BRD10: variants seen among roughly 807,000 people sequenced by gnomAD.
BRD10 encodes bromodomain containing 10, also known as uncharacterized bromodomain-containing protein 10.
the BRD10 span, among the ~76,000 whole-genome samples, chr9:5,932,152 T>C: frequency 6.6e-6 from 1 of 152,248 alleles, no homozygotes; most frequent in South Asian, 2.1e-4. Flanking sequence ...AATATAAAAA[T>C]CTACATAAAA....
the BRD10 span, among the ~76,000 whole-genome samples, chr9:5,915,480 G>A: frequency 5.9e-5 from 9 of 152,148 alleles, no homozygotes; most frequent in Admixed American, 1.3e-4. Flanking sequence ...ATATACTTTC[G>A]AATATTCTTC....
the BRD10 span, among the ~76,000 whole-genome samples, chr9:5,999,773 T>C: frequency 6.6e-6 from 1 of 152,192 alleles, no homozygotes; most frequent in African/African-American, 2.4e-5. Context: ...TACACCAATT[T>C]AGTTTATCCA....
the BRD10 span, chr9:5,892,401 T>C: frequency 3.0e-6 from 4 of 1,352,962 alleles, no homozygotes; most frequent in Non-Finnish European, 4.1e-6. Context: ...AGATGATGAA[T>C]AGGGTGGCTT....
chr9:5,972,278 A>C, the BRD10 span, among the ~76,000 whole-genome samples: 9 of 152,220 alleles, frequency 5.9e-5, no homozygotes, highest in Non-Finnish European at 1.0e-4. Flanking sequence ...AAGTGAAAAG[A>C]AACTGAAAAC....
chr9:5,932,125 T>A, the BRD10 span, among the ~76,000 whole-genome samples: 2 of 152,190 alleles, frequency 1.3e-5, no homozygotes, highest in Non-Finnish European at 2.9e-5. Context: ...GATGATAATC[T>A]GCCTTATCTT....
chr9:5,966,291 GT>G, the BRD10 span, among the ~76,000 whole-genome samples: 1 of 151,980 alleles, frequency 6.6e-6, no homozygotes, highest in African/African-American at 2.4e-5. Flanking sequence ...CTACAGCAGT[GT>G]CTATTTTATA....
At chr9:5,968,655 A>AT in the BRD10 span, 1 of 1,613,890 alleles carries the variant, frequency 6.2e-7, no homozygotes. Context: ...TCTCTGCTAC[A>AT]TCTATGTTCT....
chr9:5,926,032 C>T, the BRD10 span, among the ~76,000 whole-genome samples: 1 of 152,138 alleles, frequency 6.6e-6, no homozygotes, highest in Admixed American at 6.5e-5. Flanking sequence ...GTTCTCCTGC[C>T]TCAGCCTCCT....
At chr9:5,943,115 A>C in the BRD10 span, among the ~76,000 whole-genome samples, 2 of 152,054 alleles carry the variant, frequency 1.3e-5, no homozygotes, top group South Asian at 4.1e-4. Flanking sequence ...GGGCTCAAGA[A>C]ATCCTCCCAC....
chr9:5,934,362 T>C, the BRD10 span, among the ~76,000 whole-genome samples: 2 of 148,080 alleles, frequency 1.4e-5, no homozygotes, highest in African/African-American at 4.9e-5. Context: ...GCTTTTCTTT[T>C]TTTTTTTTTT....
the BRD10 span, chr9:5,954,021 ACT>A: frequency 6.4e-7 from 1 of 1,551,826 alleles, no homozygotes; most frequent in Non-Finnish European, 8.8e-7. Flanking sequence ...TTTACCTGAA[ACT>A]CTGGTACAGT....
At chr9:6,007,144 G>T in the BRD10 span, 1 of 1,552,970 alleles carries the variant, frequency 6.4e-7, no homozygotes, top group East Asian at 2.3e-5. Flanking sequence ...GCACGTGTGA[G>T]TGTGTGTTTG....
chr9:5,942,157 T>C, the BRD10 span, among the ~76,000 whole-genome samples: 1 of 152,110 alleles, frequency 6.6e-6, no homozygotes, highest in South Asian at 2.1e-4. Context: ...TGAAGATCAG[T>C]ATTAATACTT....
chr9:5,975,314 C>A, the BRD10 span, among the ~76,000 whole-genome samples: 1 of 151,734 alleles, frequency 6.6e-6, no homozygotes, highest in African/African-American at 2.4e-5. Flanking sequence ...TGGTGCATGC[C>A]TGTAATCCCA....
chr9:5,944,015 T>C, the BRD10 span, among the ~76,000 whole-genome samples: 2 of 152,198 alleles, frequency 1.3e-5, no homozygotes, highest in Non-Finnish European at 2.9e-5. Context: ...AATCTGCCGA[T>C]ATCAAACTTG....
chr9:5,910,437 A>G, the BRD10 span: 1 of 152,222 alleles, frequency 6.6e-6, no homozygotes, highest in Non-Finnish European at 1.5e-5. Context: ...ACTTAAAATA[A>G]GGCTTCCACC....
At chr9:5,966,362 G>C in the BRD10 span, among the ~76,000 whole-genome samples, 1 of 151,162 alleles carries the variant, frequency 6.6e-6, no homozygotes, top group African/African-American at 2.4e-5. Flanking sequence ...AAGGGTTCTG[G>C]GTTACAATTA....
At chr9:5,930,796 G>A in the BRD10 span, among the ~76,000 whole-genome samples, 1 of 152,146 alleles carries the variant, frequency 6.6e-6, no homozygotes, top group Non-Finnish European at 1.5e-5. Context: ...CACCTTACAA[G>A]TTTATTTTTC....
the BRD10 span, chr9:5,906,994 C>A: frequency 6.3e-7 from 1 of 1,586,956 alleles, no homozygotes; most frequent in Non-Finnish European, 8.6e-7. Flanking sequence ...AACTGTGAAC[C>A]TGTGGTAGGT....
Sources: gnomAD v4.1 joint callset for allele counts (sites outside exome capture counted in the v4.1 genomes callset) on GRCh38, gnomAD v4.1.1 for gene constraint, MANE v1.5 for transcripts, NCBI Gene and HGNC (gene_info 2026-07-23, HGNC 2026-07-21) for gene names.